The following EIF5B variants were observed in gnomAD, a reference collection of about 807,000 sequenced individuals.
EIF5B encodes eIF-5B.
EIF5B carries 47 observed loss-of-function variants against 147.5 expected under a neutral mutation model. The observed-to-expected ratio is 0.32, with a 90% CI of 0.25 to 0.41. The LOEUF (loss-of-function observed/expected upper bound fraction) is 0.41. EIF5B is among the 10% of genes least tolerant of loss of function. The pLI is 1.00. For synonymous variants in EIF5B, 455 were observed against 456.2 expected (o/e 1.00, Z 0.03); for missense variants, 1,064 against 1,413.2 (o/e 0.75, Z 3.96).
chr2:99,358,286 C>T (rs1312704136), intron 1 of EIF5B, among the ~76,000 whole-genome samples: 2 of 151,982 alleles, frequency 1.3e-5, no homozygotes, highest in Non-Finnish European at 2.9e-5. Context: ...AGGCAGGTCT[C>T]GAACTCCTGG....
Position 99,376,501 on chromosome 2 carries a change from G to A in EIF5B, c.1707G>A (p.Val569=), listed in dbSNP as rs1367954548. 6.2e-7 allele frequency: 1 copy of A among 1,613,938 alleles called. No individual in the cohort carries two copies. Among genetic ancestry groups the A allele is most frequent in the Non-Finnish European group, 8.5e-7 (1 of 1,179,932 alleles). ...GSEGDEEDEK[V]SDEKDSGKTL... The stretch of plus-strand genomic sequence containing the variant: ...AAGGTGATGAGGAAGATGAAAAGGT[G>A]TCAGATGAGAAGGATTCAGGGAAGA... Residue 569 remains valine (V), a synonymous_variant, in exon 10 of 24, where the codon GTG becomes GTA. Coordinates refer to ENST00000289371, the MANE Select transcript of EIF5B (RefSeq NM_015904.4).
In EIF5B at chr2:99,337,550, A is replaced by G; in HGVS notation, c.-5A>G. 3.7e-6 allele frequency: 6 copies of G among 1,613,000 alleles called. No individual in the cohort carries two copies. The highest frequency in any genetic ancestry group is 5.1e-6 in the Non-Finnish European group (6 of 1,179,508). On this transcript the variant is annotated 5_prime_UTR_variant, in exon 1 of 24. Transcript: ENST00000289371. ...GGCTGGGGCCACGAGCGCCATTGAC[A>G]AGCAATGGGGAAGAAACAGAAAAAC... is the stretch of plus-strand genomic sequence containing the variant.
At chr2:99,368,409 G>A (rs778241029) in intron 6 of EIF5B, 84 bp from the exon 7 acceptor site, 8 of 982,230 alleles carry the variant, frequency 8.1e-6, no homozygotes, top group African/African-American at 3.3e-5. Context: ...TCTCTGTGGT[G>A]AATGAAATGC....
chr2:99,351,447 T>C (rs946474738), intron 1 of EIF5B, among the ~76,000 whole-genome samples: 1 of 152,182 alleles, frequency 6.6e-6, no homozygotes, highest in African/African-American at 2.4e-5. Flanking sequence ...TGGACATGTA[T>C]TTTCATTTCT....
chr2:99,398,933 A>T (rs1302455302), intron 23 of EIF5B, 24 bp downstream of exon 23: 11 of 1,608,554 alleles, frequency 6.8e-6, no homozygotes, highest in Non-Finnish European at 9.3e-6. Context: ...CAAAAGTGGC[A>T]CACTTTAAGC....
intron 15 of EIF5B, 124 bp downstream of exon 15, chr2:99,389,973 T>G (rs1227546756): frequency 2.2e-6 from 3 of 1,341,098 alleles, no homozygotes; most frequent in Non-Finnish European, 3.0e-6. Flanking sequence ...ATTACTTTTT[T>G]TAAATTCTTC....
intron 8 of EIF5B, among the ~76,000 whole-genome samples, chr2:99,369,716 T>A (rs1042746022): frequency 6.6e-6 from 1 of 152,234 alleles, no homozygotes; most frequent in African/African-American, 2.4e-5. Flanking sequence ...GAAAATGTTT[T>A]GTAGAAAGGA....
At chr2:99,344,324 T>C (rs1348131865) in intron 1 of EIF5B, among the ~76,000 whole-genome samples, 1 of 152,226 alleles carries the variant, frequency 6.6e-6, no homozygotes, top group African/African-American at 2.4e-5. Flanking sequence ...GATCATTAGA[T>C]GCTAGATATA....
In EIF5B at chr2:99,399,440, A is replaced by G. The variant is rs771472858; in HGVS notation, c.*26A>G. On this transcript the variant is annotated 3_prime_UTR_variant, in exon 24 of 24. Transcript: ENST00000289371. ...TTTTTTCACATGGAGCAGGAACTGGAGTAAATGCAATACTGTGTTGTAATA... is the reference window on the plus strand; with the variant it reads ...TTTTTTCACATGGAGCAGGAACTGGGGTAAATGCAATACTGTGTTGTAATA... The G allele has an allele frequency of 1.3e-6, 2 of 1,597,348 alleles. No individual in the cohort carries two copies. The highest frequency in any genetic ancestry group is 1.7e-6 in the Non-Finnish European group (2 of 1,165,414).
intron 9 of EIF5B, among the ~76,000 whole-genome samples, chr2:99,374,487 C>CT (rs1169749102): frequency 2.0e-5 from 3 of 152,038 alleles, no homozygotes; most frequent in Non-Finnish European, 4.4e-5. Context: ...CTGAAGAACA[C>CT]TTTAGAGTTT....
chr2:99,348,689 A>G (rs937084810), intron 1 of EIF5B, among the ~76,000 whole-genome samples: 3 of 152,194 alleles, frequency 2.0e-5, no homozygotes, highest in African/African-American at 7.2e-5. Flanking sequence ...AGCCAAAGTA[A>G]GTGAAAAAGG....
chr2:99,358,619 G>T (rs910627873), intron 1 of EIF5B, among the ~76,000 whole-genome samples: 9 of 152,186 alleles, frequency 5.9e-5, no homozygotes, highest in African/African-American at 2.2e-4. Flanking sequence ...TCTATCTTGG[G>T]TGGGGTCAAT....
chr2:99,361,744 A>G lies in EIF5B; in HGVS notation c.843A>G (p.Val281=), dbSNP rs1674219450. ...AAAGGAAATTTGAAGAAGAAACTGTAAAATCCAAAGTGACTGTTGATACTG... is the reference window on the plus strand; with the variant it reads ...AAAGGAAATTTGAAGAAGAAACTGTGAAATCCAAAGTGACTGTTGATACTG... The part of the protein sequence containing the change: ...ESQRKFEEET[V]KSKVTVDTGV... The change falls in exon 4 of 24, where the codon GTA becomes GTG. Residue 281 remains valine (V), a synonymous_variant. Transcript: ENST00000289371. 1.3e-6 allele frequency: 2 copies of G among 1,593,292 alleles called. No individual in the cohort carries two copies. Among genetic ancestry groups the G allele is most frequent in the East Asian group, 2.2e-5 (1 of 44,674 alleles).
Position 99,401,162 on chromosome 2 carries a change from T to C in EIF5B, c.*1748T>C. The C allele has an allele frequency of 1.3e-6, 1 of 768,940 alleles. No individual in the cohort carries two copies. The highest frequency in any genetic ancestry group is 2.2e-6 in the Non-Finnish European group (1 of 462,738). 47.6% of individuals were successfully genotyped at this position (768,940 alleles called of 1,614,324 possible). Reference sequence around the variant, plus strand: ...TTTAAAATTATAAAAACTCCGAGCATTACTATCATGCACTTTGCAAATACC... The same window carrying C: ...TTTAAAATTATAAAAACTCCGAGCACTACTATCATGCACTTTGCAAATACC... On this transcript the variant is annotated 3_prime_UTR_variant, in exon 24 of 24. Coordinates refer to ENST00000289371, the MANE Select transcript of EIF5B (RefSeq NM_015904.4).
intron 18 of EIF5B, among the ~76,000 whole-genome samples, chr2:99,393,943 G>T (rs1487787196): frequency 6.6e-6 from 1 of 152,144 alleles, no homozygotes; most frequent in East Asian, 1.9e-4. Flanking sequence ...CGTTTATGTG[G>T]TACTTTTTTA....
At chr2:99,387,024 C>G (rs957840254) in intron 14 of EIF5B, among the ~76,000 whole-genome samples, 12 of 152,140 alleles carry the variant, frequency 7.9e-5, no homozygotes, top group Non-Finnish European at 1.5e-4. Flanking sequence ...ATTCTTGTTC[C>G]TCAGCCTCCC....
At chr2:99,399,199 T>C in intron 23 of EIF5B, 108 bp from the exon 24 acceptor site, 1 of 1,095,694 alleles carries the variant, frequency 9.1e-7, no homozygotes. Context: ...CTGTTTTTTA[T>C]TTCTGCTTAA....
In EIF5B at chr2:99,396,741, TTTTC is replaced by T. The variant is rs1675057083; in HGVS notation, c.3255-15_3255-12del. 1 of 1,580,118 alleles carries T rather than the reference TTTTC, an allele frequency of 6.3e-7. No individual in the cohort carries two copies. Among genetic ancestry groups the T allele is most frequent in the Admixed American group, 2.0e-5 (1 of 50,278 alleles). On this transcript the variant is annotated splice_polypyrimidine_tract_variant and intron_variant, in intron 21 of 23. Transcript: ENST00000289371. ...AAGTGATTCTGTAAGCTTAAAATTC[TTTTC>T]TTTTTTCCTTTCAGGCACATAGCAG...
Position 99,390,648 on chromosome 2 carries a change from T to C in EIF5B, c.2691T>C (p.Ile897=), listed in dbSNP as rs1362293983. The C allele has an allele frequency of 1.2e-6, 2 of 1,612,262 alleles. No individual in the cohort carries two copies. Among genetic ancestry groups the C allele is most frequent in the Admixed American group, 3.3e-5 (2 of 59,964 alleles). The part of the protein sequence containing the change: ...TIIVPGVEGP[I]VTQIRGLLLP... ...TTGTTCCTGGAGTAGAAGGGCCCAT[T>C]GTAACTCAGATTCGAGGCCTCCTGT... is the stretch of plus-strand genomic sequence containing the variant. The change falls in exon 17 of 24, where the codon ATT becomes ATC. Residue 897 remains isoleucine, a synonymous_variant. Coordinates refer to ENST00000289371, the MANE Select transcript of EIF5B (RefSeq NM_015904.4).
Sources: gnomAD v4.1 joint callset for allele counts (sites outside exome capture counted in the v4.1 genomes callset) on GRCh38, gnomAD v4.1.1 for gene constraint, MANE v1.5 for transcripts, NCBI Gene and HGNC (gene_info 2026-07-23, HGNC 2026-07-21) for gene names.